MAN1A2: variants seen among roughly 807,000 people sequenced by gnomAD.
The protein encoded by MAN1A2 is mannosidase alpha class 1A member 2.
MAN1A2 carries 26 observed loss-of-function variants against 75.7 expected under a neutral mutation model. The observed-to-expected ratio is 0.34, with a 90% confidence interval of 0.25 to 0.48. The LOEUF is 0.48. Among genes scored for constraint, MAN1A2 ranks in the 20% least tolerant of loss-of-function variants. The pLI, the probability that MAN1A2 is intolerant of heterozygous loss-of-function variation, is 0.99. For synonymous variants in MAN1A2, 247 were observed against 264.6 expected (o/e 0.93, Z 0.65); for missense variants, 562 against 775.5 (o/e 0.72, Z 3.27).
At chr1:117,373,291 T>C (rs1653031541) in intron 1 of MAN1A2, among the ~76,000 whole-genome samples, 1 of 152,164 alleles carries the variant, frequency 6.6e-6, no homozygotes, top group Non-Finnish European at 1.5e-5. Context: ...ATTTGGGGCT[T>C]TCTGCTCCTG....
At chr1:117,437,416 T>G (rs1351789544) in intron 5 of MAN1A2, among the ~76,000 whole-genome samples, 1 of 152,118 alleles carries the variant, frequency 6.6e-6, no homozygotes, top group Non-Finnish European at 1.5e-5. Context: ...AACCCAGAAT[T>G]TGAATCTGTC....
chr1:117,481,847 G>T (rs1467920866), intron 8 of MAN1A2, among the ~76,000 whole-genome samples: 1 of 151,954 alleles, frequency 6.6e-6, no homozygotes, highest in African/African-American at 2.4e-5. Context: ...GGCCAGTCCA[G>T]TTTCAAAGGA....
rs527374086 is a variant in MAN1A2, at chr1:117,526,352, C to A, written c.*3395C>A. On this transcript the variant is annotated 3_prime_UTR_variant, in exon 13 of 13. Coordinates refer to ENST00000356554, the MANE Select transcript of MAN1A2 (RefSeq NM_006699.5). ...CATTTTAAATGTTTCCAATATGAAT[C>A]GTGTTACAAAATTCTTAATTTTATA... 1 of 151,134 alleles carries A rather than the reference C, an allele frequency of 6.6e-6. No individual in the cohort carries two copies. Among genetic ancestry groups the A allele is most frequent in the Non-Finnish European group, 1.5e-5 (1 of 67,624 alleles). The allele number at this position is 151,134 out of a possible 1,614,324, so 9.4% of individuals were successfully genotyped here.
intron 3 of MAN1A2, among the ~76,000 whole-genome samples, chr1:117,407,645 T>G (rs1285558418): frequency 2.6e-5 from 4 of 152,206 alleles, no homozygotes; most frequent in Admixed American, 2.6e-4. Context: ...GTCTAGTTAG[T>G]TCTTGGCATC....
intron 5 of MAN1A2, among the ~76,000 whole-genome samples, chr1:117,429,527 G>A (rs1570736395): frequency 9.3e-6 from 1 of 107,366 alleles, no homozygotes; most frequent in African/African-American, 3.7e-5. Flanking sequence ...TGGCCGGGCG[G>A]GGGGCCGACC....
intron 3 of MAN1A2, among the ~76,000 whole-genome samples, chr1:117,407,315 TACTC>T (rs1410643881): frequency 3.9e-5 from 6 of 152,186 alleles, no homozygotes; most frequent in Admixed American, 2.0e-4. Context: ...GTTTCCTACT[TACTC>T]TGTTTCTTTT....
chr1:117,465,194 A>G (rs1427438200), intron 7 of MAN1A2, among the ~76,000 whole-genome samples: 1 of 152,216 alleles, frequency 6.6e-6, no homozygotes, highest in African/African-American at 2.4e-5. Context: ...TAAGGAGCTT[A>G]GAAGACAAAA....
rs1159614101 is a variant in MAN1A2, at chr1:117,528,482, A to G, written c.*5525A>G. ...ACACATACATATTAATATGCAGAGG[A>G]TTTTAAATAATTGCAAATGTCTTGT... is the stretch of plus-strand genomic sequence containing the variant. On this transcript the variant is annotated 3_prime_UTR_variant, in exon 13 of 13. Transcript: ENST00000356554. The G allele has an allele frequency of 6.6e-6, 1 of 152,110 alleles. No individual in the cohort carries two copies. Among genetic ancestry groups the G allele is most frequent in the Non-Finnish European group, 1.5e-5 (1 of 68,000 alleles). The allele number at this position is 152,110 out of a possible 1,614,324, so 9.4% of individuals were successfully genotyped here.
At position 117,508,793 on chromosome 1, in the gene MAN1A2, A is replaced by G. The variant is rs994439664; in HGVS notation, c.1793+5823A>G. Among the ~76,000 whole-genome samples, 3 of 151,220 alleles carry G rather than the reference A, an allele frequency of 2.0e-5. No individual in the cohort carries two copies. The Admixed American group carries it at 2.0e-4, about 10-fold the overall frequency. On this transcript the variant is annotated intron_variant, in intron 12 of 12. Coordinates refer to ENST00000356554, the MANE Select transcript of MAN1A2 (RefSeq NM_006699.5). The stretch of plus-strand genomic sequence containing the variant: ...GTGCATACGTAACACATAGATGAAC[A>G]TGTTAATAGTATTTCAACAATATCA...
intron 1 of MAN1A2, among the ~76,000 whole-genome samples, chr1:117,374,144 C>A (rs1223490125): frequency 1.3e-5 from 2 of 151,936 alleles, no homozygotes; most frequent in Admixed American, 1.3e-4. Context: ...TGCACATACT[C>A]GCACATGCAC....
At chr1:117,381,774 A>G (rs1488627480) in intron 1 of MAN1A2, among the ~76,000 whole-genome samples, 3 of 152,054 alleles carry the variant, frequency 2.0e-5, no homozygotes, top group Non-Finnish European at 2.9e-5. Flanking sequence ...GATTTCCACA[A>G]TGGTTGAACT....
chr1:117,369,080 T>C (rs760261945), intron 1 of MAN1A2, among the ~76,000 whole-genome samples: 1 of 152,206 alleles, frequency 6.6e-6, no homozygotes, highest in Non-Finnish European at 1.5e-5. Context: ...GTATATGAAA[T>C]CAGTTAAGTT....
intron 5 of MAN1A2, among the ~76,000 whole-genome samples, chr1:117,425,170 AGGGAAGG>A (rs1426659522): frequency 3.8e-5 from 4 of 105,124 alleles, no homozygotes; most frequent in Non-Finnish European, 7.8e-5. Flanking sequence ...CAAAGGGGGG[AGGGAAGG>A]GGGAAGGATC....
At position 117,523,107 on chromosome 1, in the gene MAN1A2, A is replaced by G. The variant is rs540522310; in HGVS notation, c.*150A>G. On this transcript the variant is annotated 3_prime_UTR_variant, in exon 13 of 13. Coordinates refer to ENST00000356554, the MANE Select transcript of MAN1A2 (RefSeq NM_006699.5). Reference sequence around the variant, plus strand: ...CCCCCTAAGACTGTTCAACTTGTAGATACATCAACTTTGAAATTATTCCAT... The same window carrying G: ...CCCCCTAAGACTGTTCAACTTGTAGGTACATCAACTTTGAAATTATTCCAT... 2.5e-5 allele frequency: 21 copies of G among 827,404 alleles called. No individual in the cohort carries two copies. The South Asian group carries it at 3.2e-4, about 13-fold the overall frequency. The allele number at this position is 827,404 out of a possible 1,614,324, so 51.3% of individuals were successfully genotyped here.
At chr1:117,409,350 G>A (rs921097073) in intron 3 of MAN1A2, among the ~76,000 whole-genome samples, 6 of 151,490 alleles carry the variant, frequency 4.0e-5, no homozygotes, top group Admixed American at 6.6e-5. Context: ...TTTTCCTTGC[G>A]TAAGTTTAAG....
chr1:117,448,676 G>C (rs1053184672), intron 6 of MAN1A2, among the ~76,000 whole-genome samples: 1 of 152,154 alleles, frequency 6.6e-6, no homozygotes, highest in Non-Finnish European at 1.5e-5. Flanking sequence ...CACAGAAAGA[G>C]AAATAAAAAA....
chr1:117,503,003 C>A, intron 12 of MAN1A2, 33 bp downstream of exon 12: 1 of 1,182,604 alleles, frequency 8.5e-7, no homozygotes, highest in Non-Finnish European at 1.2e-6. Flanking sequence ...TATTTTTATA[C>A]TAGACTGGTT....
At chr1:117,409,606 C>G (rs1396484936) in intron 3 of MAN1A2, among the ~76,000 whole-genome samples, 1 of 151,998 alleles carries the variant, frequency 6.6e-6, no homozygotes, top group Non-Finnish European at 1.5e-5. Flanking sequence ...GTTGTTCAGG[C>G]TGTCTCTATC....
intron 8 of MAN1A2, among the ~76,000 whole-genome samples, chr1:117,487,784 A>G (rs1351320926): frequency 6.6e-6 from 1 of 152,066 alleles, no homozygotes; most frequent in African/African-American, 2.4e-5. Flanking sequence ...CCAAATGCCC[A>G]TTAAGTATAA....
Sources: allele counts gnomAD v4.1 joint callset (sites outside exome capture counted in the v4.1 genomes callset), GRCh38; gene constraint gnomAD v4.1.1; transcripts MANE v1.5; gene names NCBI Gene and HGNC (gene_info 2026-07-23, HGNC 2026-07-21).